Variants in ELOA observed in about 807,000 individuals in gnomAD.
The protein encoded by ELOA is elongin A.
Under a neutral mutation model 85.2 loss-of-function variants are expected in ELOA, and 15 were observed. The observed-to-expected ratio is 0.18, with a 90% CI of 0.12 to 0.27. The LOEUF (loss-of-function observed/expected upper bound fraction) is 0.27, where lower values mean the gene tolerates loss of function less well. Among genes scored for constraint, ELOA ranks in the 10% least tolerant of loss-of-function variants. The probability of loss-of-function intolerance (pLI) is 1.00; values close to 1 mark genes in which losing one functional copy is unlikely to be tolerated. For missense variants in ELOA, 769 were observed against 952.7 expected, an observed-to-expected ratio of 0.81 and a Z score of 2.54; for synonymous variants, 348 against 357.2, an observed-to-expected ratio of 0.97 and a Z score of 0.29.
At position 23,751,179 on chromosome 1, in the gene ELOA, G is replaced by A. The variant is rs754572931; in HGVS notation, c.574G>A (p.Asp192Asn). Reference protein sequence around the residue: ...SCTSPHQMYVDHYRSLEEDQE... With the variant: ...SCTSPHQMYVNHYRSLEEDQE... ...TACCAGTCCTCATCAGATGTACGTCGACCACTACAGATCCCTGGAGGAGGA... is the reference window on the plus strand; with the variant it reads ...TACCAGTCCTCATCAGATGTACGTCAACCACTACAGATCCCTGGAGGAGGA... The change falls in exon 4 of 11, where the codon GAC becomes AAC. Residue 192 changes from aspartate to asparagine, a missense_variant. By Grantham distance (23) the Asp-to-Asn change is conservative (BLOSUM62 1). Transcript: ENST00000613537. 7 of 1,613,944 alleles carry A rather than the reference G, an allele frequency of 4.3e-6. No individual in the cohort carries two copies. The highest frequency in any genetic ancestry group is 3.3e-5 in the Admixed American group (2 of 59,986).
intron 1 of ELOA, chr1:23,744,127 T>C (rs538406004): frequency 1.3e-5 from 2 of 152,418 alleles, no homozygotes; most frequent in South Asian, 4.1e-4. Context: ...GACCTTTCGC[T>C]TTCTCAGTGA....
In ELOA at chr1:23,761,901, G is replaced by A. The variant is rs976782434; in HGVS notation, c.*2328G>A. ...TTCTTTCTGGGAAGCGGGAGGGAAA[G>A]GAGCAAGGTGTCATCCTGCTCTTCA... On this transcript the variant is annotated 3_prime_UTR_variant, in exon 11 of 11. Coordinates refer to ENST00000613537, the MANE Select transcript of ELOA (RefSeq NM_003198.3). 9.9e-5 allele frequency: 15 copies of A among 152,118 alleles called. No homozygotes were observed. The highest frequency in any genetic ancestry group is 3.3e-4 in the Admixed American group (5 of 15,264). The allele number at this position is 152,118 out of a possible 1,614,324, so 9.4% of individuals were successfully genotyped here.
At chr1:23,757,609 C>G (rs1419349384) in intron 10 of ELOA, among the ~76,000 whole-genome samples, 1 of 152,112 alleles carries the variant, frequency 6.6e-6, no homozygotes, top group African/African-American at 2.4e-5. Context: ...TGCCATTCTC[C>G]TGCCTCAGCC....
At chr1:23,743,769 C>T (rs1390657588) in intron 1 of ELOA, among the ~76,000 whole-genome samples, 191 bp downstream of exon 1, 2 of 152,092 alleles carry the variant, frequency 1.3e-5, no homozygotes, top group Non-Finnish European at 2.9e-5. Context: ...CGTCGGGACG[C>T]GGGGCCCCGG....
chr1:23,743,877 G>A (rs115877760), intron 1 of ELOA, among the ~76,000 whole-genome samples: 1 of 152,304 alleles, frequency 6.6e-6, no homozygotes, highest in African/African-American at 2.4e-5. Flanking sequence ...GGCGTCCCGA[G>A]CCAGCTGTTT....
Position 23,754,173 on chromosome 1 carries a change from T to C in ELOA, c.1611T>C (p.Tyr537=). ...GRRMNSKMQV[Y]SGSKCAYLPK... ...GAATGAATTCCAAGATGCAGGTGTA[T>C]TCTGGTTCCAAGTGTGCCTATCTCC... Residue 537 remains tyrosine (Y), a synonymous_variant, in exon 6 of 11, where the codon TAT becomes TAC. Transcript: ENST00000613537. 6.2e-7 allele frequency: 1 copy of C among 1,614,194 alleles called. No homozygotes were observed. Among genetic ancestry groups the C allele is most frequent in the Non-Finnish European group, 8.5e-7 (1 of 1,180,024 alleles).
rs538159087 is a variant in ELOA at position 23,751,221 on chromosome 1, T to A, written c.616T>A (p.Ser206Thr). The A allele has an allele frequency of 2.5e-6, 4 of 1,614,176 alleles. No homozygotes were observed. The highest frequency in any genetic ancestry group is 3.3e-5 in the Admixed American group (2 of 60,022). ...GGAGGAGGACCAGGAGCCCATTGTT[T>A]CACACCAGAAGCCTGGGAAAGGCCA... ...SLEEDQEPIV[S>T]HQKPGKGHSN... Residue 206 changes from serine to threonine, a missense_variant, in exon 4 of 11, where the codon TCA (serine) becomes ACA (threonine). Transcript: ENST00000613537.
At position 23,759,649 on chromosome 1, in the gene ELOA, T is replaced by C; in HGVS notation, c.*76T>C. ...CAGTGGGGGTTGGGGAATGGAATTC[T>C]ACAGGAGACTGGAGTCTTGCTTTGT... On this transcript the variant is annotated 3_prime_UTR_variant, in exon 11 of 11. Transcript: ENST00000613537. 1 of 1,521,350 alleles carries C rather than the reference T, an allele frequency of 6.6e-7. No homozygotes were observed. Among genetic ancestry groups the C allele is most frequent in the Admixed American group, 1.7e-5 (1 of 59,664 alleles). 94.2% of individuals were successfully genotyped at this position (1,521,350 alleles called of 1,614,324 possible).
In ELOA at chr1:23,751,998, C is replaced by T; in HGVS notation, c.1393C>T (p.Pro465Ser). 6.2e-7 allele frequency: 1 copy of T among 1,603,342 alleles called. No individual in the cohort carries two copies. Among genetic ancestry groups the T allele is most frequent in the Admixed American group, 1.8e-5 (1 of 56,916 alleles). Reference sequence around the variant, plus strand: ...GGTGAACAAAACCAAGTCAGAGAAGCCGGCTGGAGCTGATTTAGCCAAGCT... The same window carrying T: ...GGTGAACAAAACCAAGTCAGAGAAGTCGGCTGGAGCTGATTTAGCCAAGCT... ...PKVNKTKSEK[P>S]AGADLAKLRK... is the part of the protein sequence containing the mutation. The change falls in exon 4 of 11, where the codon CCG becomes TCG. Residue 465 changes from proline (P) to serine (S), a missense_variant. Pro to Ser is a moderately conservative substitution (Grantham distance 74, BLOSUM62 -1). Around this residue, in one of 4 missense-constraint regions of ELOA, gnomAD observed 193 missense variants for 278.9 expected, o/e 0.69. Coordinates refer to ENST00000613537, the MANE Select transcript of ELOA (RefSeq NM_003198.3).
chr1:23,752,650 G>T (rs1444720810), intron 5 of ELOA, 132 bp downstream of exon 5: 34 of 933,274 alleles, frequency 3.6e-5, no homozygotes, highest in Non-Finnish European at 5.1e-5. Flanking sequence ...TGCGGCCAAG[G>T]GTTCTAAACC....
chr1:23,747,984 C>T (rs957854280), intron 1 of ELOA, among the ~76,000 whole-genome samples: 4 of 152,178 alleles, frequency 2.6e-5, no homozygotes, highest in Non-Finnish European at 5.9e-5. Context: ...TTTTGAAGCA[C>T]TCCTTGTATG....
intron 1 of ELOA, 95 bp downstream of exon 1, chr1:23,743,673 G>T: frequency 7.5e-7 from 1 of 1,327,514 alleles, no homozygotes; most frequent in Non-Finnish European, 9.7e-7. Context: ...CGGGGGCTGG[G>T]ACCCTGAGCC....
chr1:23,754,607 T>A, intron 7 of ELOA, 147 bp downstream of exon 7: 2 of 663,994 alleles, frequency 3.0e-6, no homozygotes, highest in South Asian at 3.8e-5. Flanking sequence ...ACTGGGCCTT[T>A]AAACAAGCAT....
chr1:23,761,751 C>A lies in ELOA; in HGVS notation c.*2178C>A, dbSNP rs141607279. 6.6e-6 allele frequency: 1 copy of A among 152,136 alleles called. No individual in the cohort carries two copies. The allele number at this position is 152,136 out of a possible 1,614,324, so 9.4% of individuals were successfully genotyped here. A position where few individuals can be genotyped will look rare whatever the true frequency, so the allele number is the denominator to read the frequency against. Reference sequence around the variant, plus strand: ...GAACCTGACACAGGATGAATTTGAACCTTTGGTCTCATTTATGGAAAAACT... The same window carrying A: ...GAACCTGACACAGGATGAATTTGAAACTTTGGTCTCATTTATGGAAAAACT... On this transcript the variant is annotated 3_prime_UTR_variant, in exon 11 of 11. Coordinates refer to ENST00000613537, the MANE Select transcript of ELOA (RefSeq NM_003198.3).
At chr1:23,745,466 AT>A (rs890602469) in intron 1 of ELOA, among the ~76,000 whole-genome samples, 8 of 151,980 alleles carry the variant, frequency 5.3e-5, no homozygotes, top group Non-Finnish European at 8.8e-5. Flanking sequence ...GAAATACAAA[AT>A]TAGGAAAAGG....
In ELOA at chr1:23,756,334, G is replaced by A. The variant is rs758288703; in HGVS notation, c.2033G>A (p.Arg678Lys). The A allele has an allele frequency of 1.8e-5, 28 of 1,583,064 alleles. No homozygotes were observed. The South Asian group carries it at 3.2e-4, about 18-fold the overall frequency. The change falls in exon 9 of 11, where the codon AGG becomes AAG. Residue 678 changes from arginine (R) to lysine (K), a missense_variant. This residue lies in a region of ELOA where 116 missense variants were observed against 141.0 expected (regional missense o/e 0.82). Transcript: ENST00000613537. Reference protein sequence around the residue: ...SVAKPPRDVRRRQEKFGTGGA... With the variant: ...SVAKPPRDVRKRQEKFGTGGA... Reference sequence around the variant, plus strand: ...GCCAAGCCACCTCGTGACGTCCGGAGGAGGCAGGAAAAGTTTGGAACGGGA... The same window carrying A: ...GCCAAGCCACCTCGTGACGTCCGGAAGAGGCAGGAAAAGTTTGGAACGGGA...
At chr1:23,758,836 G>T (rs535282471) in intron 10 of ELOA, among the ~76,000 whole-genome samples, 2 of 151,914 alleles carry the variant, frequency 1.3e-5, no homozygotes, top group South Asian at 2.1e-4. Context: ...GGACAGATTG[G>T]GGGTAGACGT....
rs1272160512 is a variant in ELOA, at chr1:23,759,248, CCATGGG to C, written c.2258-261_2258-256del. Reference sequence around the variant, plus strand: ...TGTAATTCTGTACCTTACTGTACAACCATGGGCAAGTTGGCCAGGCTCTCTGAGCCT... The same window carrying C: ...TGTAATTCTGTACCTTACTGTACAACCAAGTTGGCCAGGCTCTCTGAGCCT... On this transcript the variant is annotated intron_variant, in intron 10 of 10. Transcript: ENST00000613537. Among the ~76,000 whole-genome samples the C allele has an allele frequency of 2.2e-4, 33 of 152,338 alleles. 1 individual carries two copies. In the South Asian group the frequency reaches 6.6e-3, roughly 31 times the overall value.
rs766741607 is a variant in ELOA, at chr1:23,754,096, A to G, written c.1538-4A>G. On this transcript the variant is annotated splice_polypyrimidine_tract_variant and splice_region_variant and intron_variant, in intron 5 of 10. Coordinates refer to ENST00000613537, the MANE Select transcript of ELOA (RefSeq NM_003198.3). Reference sequence around the variant, plus strand: ...GGGCCTTTTGTGTTTTTCTTGCCCTATAGCGTTCTCTTCACCCCAGGAAGA... The same window carrying G: ...GGGCCTTTTGTGTTTTTCTTGCCCTGTAGCGTTCTCTTCACCCCAGGAAGA... The G allele has an allele frequency of 1.4e-5, 22 of 1,613,964 alleles. No homozygotes were observed. The highest frequency in any genetic ancestry group is 1.3e-4 in the Admixed American group (8 of 59,972).
Sources: gnomAD v4.1 joint callset for allele counts (sites outside exome capture counted in the v4.1 genomes callset) on GRCh38, gnomAD v4.1.1 for gene constraint, gnomAD v4.1.1 regional missense constraint, MANE v1.5 for transcripts, NCBI Gene and HGNC (gene_info 2026-07-23, HGNC 2026-07-21) for gene names.